CYP2C18: variants seen among roughly 807,000 people sequenced by gnomAD.
CYP2C18 encodes cytochrome P450 2C18.
In CYP2C18, 38 loss-of-function variants were observed where a neutral mutation model predicts 41.3. That is an observed-to-expected ratio of 0.92 (90% CI 0.71 to 1.21). The LOEUF (loss-of-function observed/expected upper bound fraction) is 1.21, where lower values mean the gene tolerates loss of function less well. Ranked by LOEUF, CYP2C18 falls within the 50% of genes most tolerant of loss-of-function variation. The probability of loss-of-function intolerance (pLI) is 0.00; values close to 1 mark genes in which losing one functional copy is unlikely to be tolerated. For synonymous variants in CYP2C18, 236 were observed against 210.0 expected (o/e 1.12, Z -1.07); for missense variants, 635 against 591.4 (o/e 1.07, Z -0.77).
intron 4 of CYP2C18, among the ~76,000 whole-genome samples, chr10:94,702,176 T>C (rs1589797428): frequency 6.6e-6 from 1 of 152,254 alleles, no homozygotes; most frequent in Non-Finnish European, 1.5e-5. Context: ...ATTTTTTCCG[T>C]CATTTCAACC....
At chr10:94,699,981 C>G (rs1342743980) in intron 4 of CYP2C18, among the ~76,000 whole-genome samples, 3 of 152,078 alleles carry the variant, frequency 2.0e-5, no homozygotes, top group Non-Finnish European at 4.4e-5. Flanking sequence ...TAAAAGAGGA[C>G]ACAAACAAAT....
At chr10:94,731,270 C>A (rs1454216737) in intron 7 of CYP2C18, among the ~76,000 whole-genome samples, 1 of 151,982 alleles carries the variant, frequency 6.6e-6, no homozygotes, top group African/African-American at 2.4e-5. Flanking sequence ...GTCCCAGCTA[C>A]TTGGGAGGCT....
chr10:94,690,518 T>G (rs1041766457), intron 3 of CYP2C18, among the ~76,000 whole-genome samples: 12 of 152,140 alleles, frequency 7.9e-5, no homozygotes, highest in African/African-American at 1.7e-4. Context: ...CCAATAACAG[T>G]CTCTGAAATT....
chr10:94,727,706 G>A (rs1847766272), intron 7 of CYP2C18, among the ~76,000 whole-genome samples: 1 of 152,072 alleles, frequency 6.6e-6, no homozygotes, highest in South Asian at 2.1e-4. Context: ...GGGAGTGTTA[G>A]AAAATCTGTA....
intron 5 of CYP2C18, 87 bp downstream of exon 5, chr10:94,707,047 A>G: frequency 9.1e-7 from 1 of 1,102,556 alleles, no homozygotes; most frequent in African/African-American, 1.6e-5. Context: ...GAAACACTTC[A>G]TGAGCACTTT....
chr10:94,730,506 A>G (rs1204746395), intron 7 of CYP2C18, among the ~76,000 whole-genome samples: 1 of 152,192 alleles, frequency 6.6e-6, no homozygotes, highest in Non-Finnish European at 1.5e-5. Flanking sequence ...GTATCTTTAA[A>G]TGACATTTTA....
intron 4 of CYP2C18, among the ~76,000 whole-genome samples, chr10:94,700,979 G>T (rs1847230012): frequency 6.6e-6 from 1 of 152,208 alleles, no homozygotes; most frequent in South Asian, 2.1e-4. Context: ...ACAGGTGCTG[G>T]AGAGGATATG....
chr10:94,698,770 G>C (rs1468354882), intron 4 of CYP2C18, among the ~76,000 whole-genome samples: 1 of 152,014 alleles, frequency 6.6e-6, no homozygotes, highest in Non-Finnish European at 1.5e-5. Flanking sequence ...GAATCAGTTA[G>C]ATGCAATAAA....
intron 5 of CYP2C18, among the ~76,000 whole-genome samples, chr10:94,711,424 T>C (rs1007746880): frequency 9.9e-5 from 15 of 152,162 alleles, no homozygotes; most frequent in Non-Finnish European, 4.4e-5. Flanking sequence ...CTTTTTTTTT[T>C]CTCAGACAGA....
rs766252130 is a variant in CYP2C18, at chr10:94,706,786, CT to C, written c.646del (p.Cys216AlafsTer18). 8.4e-6 allele frequency: 13 copies of C among 1,544,802 alleles called. No homozygotes were observed. Among genetic ancestry groups the C allele is most frequent in the Non-Finnish European group, 8.8e-6 (10 of 1,133,908 alleles). On this transcript the variant is annotated frameshift_variant, in exon 5 of 9. Transcript: ENST00000285979. LOFTEE classifies it high-confidence loss of function. ...RILSSPWIQV[C>X]NNFPALIDYL... ...ATTAATTTTTAAAAATCTTTAAGGT[CT>C]GCAATAATTTCCCTGCTCTCATCGA...
intron 6 of CYP2C18, among the ~76,000 whole-genome samples, chr10:94,721,785 C>T (rs531830440): frequency 9.2e-4 from 140 of 152,144 alleles, no homozygotes; most frequent in Middle Eastern, 3.4e-3. Flanking sequence ...ACAAAAGACA[C>T]GATTTCGTTC....
At position 94,735,900 on chromosome 10, in the gene CYP2C18, T is replaced by G. The variant is rs1029773935; in HGVS notation, c.*456T>G. On this transcript the variant is annotated 3_prime_UTR_variant, in exon 9 of 9. Coordinates refer to ENST00000285979, the MANE Select transcript of CYP2C18 (RefSeq NM_000772.3). ...TGTGAAGAGGCTGTGCTGGCCCTCATAGTGTTAAGCACAAAAAGGGAGAAA... is the reference window on the plus strand; with the variant it reads ...TGTGAAGAGGCTGTGCTGGCCCTCAGAGTGTTAAGCACAAAAAGGGAGAAA... 6.3e-6 allele frequency: 1 copy of G among 158,378 alleles called. No homozygotes were observed. The highest frequency in any genetic ancestry group is 1.4e-5 in the Non-Finnish European group (1 of 71,764). The allele number at this position is 158,378 out of a possible 1,614,324, so 9.8% of individuals were successfully genotyped here. A position where few individuals can be genotyped will look rare whatever the true frequency, so the allele number is the denominator to read the frequency against.
chr10:94,683,808 G>C lies in CYP2C18; in HGVS notation c.-12G>C. On this transcript the variant is annotated 5_prime_UTR_variant, in exon 1 of 9. Coordinates refer to ENST00000285979, the MANE Select transcript of CYP2C18 (RefSeq NM_000772.3). ...AAGCCCGCAGTTGTCTTACTAAGAA[G>C]AGAAGCCTTCAATGGATCCAGCTGT... The C allele has an allele frequency of 6.3e-7, 1 of 1,578,228 alleles. No homozygotes were observed. The highest frequency in any genetic ancestry group is 1.8e-5 in the Admixed American group (1 of 54,556).
chr10:94,720,564 G>T (rs189684541), intron 6 of CYP2C18, 27 bp downstream of exon 6: 3 of 1,598,480 alleles, frequency 1.9e-6, no homozygotes, highest in East Asian at 2.2e-5. Context: ...GGTGAGCAGG[G>T]TGATTTTCAG....
chr10:94,734,083 G>T (rs1847878896), intron 8 of CYP2C18, among the ~76,000 whole-genome samples: 1 of 152,154 alleles, frequency 6.6e-6, no homozygotes, highest in Admixed American at 6.6e-5. Flanking sequence ...AGAAGAGAAG[G>T]CAAGGCACTT....
chr10:94,702,160 C>T (rs1207411384), intron 4 of CYP2C18, among the ~76,000 whole-genome samples: 1 of 152,086 alleles, frequency 6.6e-6, no homozygotes, highest in Admixed American at 6.6e-5. Context: ...TCTGGCTGCC[C>T]TCAATATTTT....
At chr10:94,705,345 A>G (rs1332957338) in intron 4 of CYP2C18, among the ~76,000 whole-genome samples, 1 of 152,108 alleles carries the variant, frequency 6.6e-6, no homozygotes, top group Non-Finnish European at 1.5e-5. Flanking sequence ...GGAACAACAC[A>G]CACTAGGGCC....
At chr10:94,709,403 T>C (rs1320728336) in intron 5 of CYP2C18, among the ~76,000 whole-genome samples, 1 of 152,224 alleles carries the variant, frequency 6.6e-6, no homozygotes, top group Non-Finnish European at 1.5e-5. Flanking sequence ...TGTGTATCTC[T>C]TTGGATAAAA....
intron 5 of CYP2C18, among the ~76,000 whole-genome samples, chr10:94,714,324 G>C (rs1041865540): frequency 5.3e-5 from 8 of 152,194 alleles, no homozygotes; most frequent in African/African-American, 1.9e-4. Flanking sequence ...TGACATTTAT[G>C]TCTTTAATCC....
Sources: allele counts gnomAD v4.1 joint callset (sites outside exome capture counted in the v4.1 genomes callset), GRCh38; gene constraint gnomAD v4.1.1; transcripts MANE v1.5; gene names NCBI Gene and HGNC (gene_info 2026-07-23, HGNC 2026-07-21).